The following CACNB4 variants were observed in gnomAD, a reference collection of about 807,000 sequenced individuals.
CACNB4 encodes the protein calcium voltage-gated channel auxiliary subunit beta 4, also known as voltage-dependent L-type calcium channel subunit beta-4.
Under a neutral mutation model 71.2 loss-of-function variants are expected in CACNB4, and 32 were observed. That is an observed-to-expected ratio of 0.45 (90% CI 0.34 to 0.60). The LOEUF (loss-of-function observed/expected upper bound fraction) is 0.60. CACNB4 is among the 20% of genes least tolerant of loss of function. The probability of loss-of-function intolerance (pLI) is 0.01; values close to 1 mark genes in which losing one functional copy is unlikely to be tolerated. For synonymous variants in CACNB4, 231 were observed against 236.9 expected (o/e 0.97, Z 0.23); for missense variants, 464 against 647.9 (o/e 0.72, Z 3.08).
Position 152,065,287 on chromosome 2 carries a change from GGC to G in CACNB4, c.147+33041_147+33042del, listed in dbSNP as rs1260970631. 4.4e-3 allele frequency among the ~76,000 whole-genome samples: 669 copies of G among 152,128 alleles called. 5 individuals are homozygous for G. The highest frequency in any genetic ancestry group is 5.8e-3 in the Non-Finnish European group (392 of 68,022). The stretch of plus-strand genomic sequence containing the variant: ...TAATCCCAACTACTCGGGAGGCTGA[GGC>G]AGGAGAATCACTTGAACCCGGAGCC... On this transcript the variant is annotated intron_variant, in intron 2 of 13. Coordinates refer to ENST00000539935, the MANE Select transcript of CACNB4 (RefSeq NM_000726.5).
chr2:152,027,963 G>C (rs2105167954), intron 2 of CACNB4, among the ~76,000 whole-genome samples: 1 of 150,002 alleles, frequency 6.7e-6, no homozygotes, highest in East Asian at 2.0e-4. Flanking sequence ...GCTTCGATTT[G>C]TGAGTAACAG....
At chr2:151,850,109 C>A (rs2099838634) in intron 12 of CACNB4, 1 of 146,354 alleles carries the variant, frequency 6.8e-6, no homozygotes. Context: ...ACATACTTAT[C>A]TTTTCTTTTT....
chr2:151,837,018 T>C lies in CACNB4; in HGVS notation c.*2101A>G, dbSNP rs1308344590. On this transcript the variant is annotated 3_prime_UTR_variant, in exon 14 of 14. Transcript: ENST00000539935. ...TAATGTTTTCTTTCTCATGCAAGTATGTGCTGTACATGTAATAAATATATT... is the reference window on the plus strand; with the variant it reads ...TAATGTTTTCTTTCTCATGCAAGTACGTGCTGTACATGTAATAAATATATT... 1 of 152,024 alleles carries C rather than the reference T, an allele frequency of 6.6e-6. No homozygotes were observed. The highest frequency in any genetic ancestry group is 1.5e-5 in the Non-Finnish European group (1 of 67,872). 9.4% of individuals were successfully genotyped at this position (152,024 alleles called of 1,614,324 possible).
intron 5 of CACNB4, among the ~76,000 whole-genome samples, chr2:151,875,419 C>T (rs1271913649): frequency 6.6e-6 from 1 of 151,582 alleles, no homozygotes; most frequent in Non-Finnish European, 1.5e-5. Flanking sequence ...AGCAACCATC[C>T]GATTTCTCAA....
chr2:152,067,387 GT>G (rs1203625072), intron 2 of CACNB4, among the ~76,000 whole-genome samples: 116 of 144,516 alleles, frequency 8.0e-4, no homozygotes, highest in African/African-American at 2.8e-3. Context: ...ATGTGTGTGT[GT>G]GGGGGGGGGG....
At chr2:151,990,348 A>G (rs1413495615) in intron 2 of CACNB4, among the ~76,000 whole-genome samples, 1 of 152,140 alleles carries the variant, frequency 6.6e-6, no homozygotes, top group African/African-American at 2.4e-5. Flanking sequence ...CCTGTGCATA[A>G]CTTCCTCCTA....
chr2:151,877,796 A>C (rs1209549715), intron 4 of CACNB4, among the ~76,000 whole-genome samples: 1 of 152,238 alleles, frequency 6.6e-6, no homozygotes, highest in East Asian at 1.9e-4. Context: ...ATTTAAGTTA[A>C]GTTCCATGAC....
chr2:151,930,192 C>T (rs920002779), intron 2 of CACNB4, among the ~76,000 whole-genome samples: 3 of 152,042 alleles, frequency 2.0e-5, no homozygotes, highest in Non-Finnish European at 4.4e-5. Context: ...GAAAGTTCTA[C>T]GTGTCATATA....
At chr2:151,935,424 G>A (rs528837356) in intron 2 of CACNB4, among the ~76,000 whole-genome samples, 2 of 152,280 alleles carry the variant, frequency 1.3e-5, no homozygotes, top group South Asian at 2.1e-4. Context: ...CTTAGCATGA[G>A]GCCGAATTCA....
chr2:151,946,531 A>C (rs1291834326), intron 2 of CACNB4, among the ~76,000 whole-genome samples: 1 of 152,208 alleles, frequency 6.6e-6, no homozygotes, highest in Non-Finnish European at 1.5e-5. Context: ...TGTTGGATGC[A>C]CTTTAAACCA....
At chr2:151,900,239 A>T (rs1349649030) in intron 2 of CACNB4, among the ~76,000 whole-genome samples, 2 of 152,220 alleles carry the variant, frequency 1.3e-5, no homozygotes, top group Non-Finnish European at 2.9e-5. Flanking sequence ...TGGAGAAATA[A>T]GATCTGTGTT....
intron 2 of CACNB4, among the ~76,000 whole-genome samples, chr2:152,016,059 C>G (rs894857731): frequency 2.0e-5 from 3 of 152,194 alleles, no homozygotes; most frequent in African/African-American, 7.2e-5. Flanking sequence ...CAGGTTTTCT[C>G]TCCTATTACC....
At chr2:151,896,885 C>T (rs1373550282) in intron 2 of CACNB4, among the ~76,000 whole-genome samples, 6 of 152,144 alleles carry the variant, frequency 3.9e-5, no homozygotes, top group South Asian at 2.1e-4. Context: ...GTAAACAAGG[C>T]TTAGAGACAC....
At chr2:152,004,099 C>T (rs116687973) in intron 2 of CACNB4, among the ~76,000 whole-genome samples, 129 of 152,316 alleles carry the variant, frequency 8.5e-4, no homozygotes, top group African/African-American at 3.0e-3. Flanking sequence ...GGACTATAGG[C>T]ATGAGCCACC....
At chr2:151,841,819 T>TG (rs2151319372) in intron 13 of CACNB4, 84 bp downstream of exon 13, 1 of 1,114,164 alleles carries the variant, frequency 9.0e-7, no homozygotes, top group East Asian at 2.4e-5. Flanking sequence ...AGATTAAGGA[T>TG]GACTCCAGTC....
intron 2 of CACNB4, among the ~76,000 whole-genome samples, chr2:152,091,101 C>T (rs1190174101): frequency 6.6e-6 from 1 of 151,758 alleles, no homozygotes; most frequent in African/African-American, 2.4e-5. Context: ...GAGACTCAGA[C>T]ATAAGTAAAA....
chr2:151,956,909 G>C (rs1294326444), intron 2 of CACNB4, among the ~76,000 whole-genome samples: 1 of 152,204 alleles, frequency 6.6e-6, no homozygotes, highest in African/African-American at 2.4e-5. Context: ...CACTGTGGGA[G>C]ACCAAGGCGG....
At chr2:152,038,223 G>A (rs1355081043) in intron 2 of CACNB4, among the ~76,000 whole-genome samples, 1 of 152,228 alleles carries the variant, frequency 6.6e-6, no homozygotes, top group Non-Finnish European at 1.5e-5. Context: ...AAAAAGTCTT[G>A]TAAAGTAAGG....
intron 2 of CACNB4, among the ~76,000 whole-genome samples, chr2:152,094,408 C>G (rs1688150850): frequency 6.6e-6 from 1 of 152,190 alleles, no homozygotes; most frequent in Non-Finnish European, 1.5e-5. Context: ...GGGGCCAGGC[C>G]AGGTATGACT....
Sources: allele counts gnomAD v4.1 joint callset (sites outside exome capture counted in the v4.1 genomes callset), GRCh38; gene constraint gnomAD v4.1.1; transcripts MANE v1.5; gene names NCBI Gene and HGNC (gene_info 2026-07-23, HGNC 2026-07-21).